The following DMD variants were observed in gnomAD, a reference collection of about 807,000 sequenced individuals.
DMD encodes mutant dystrophin.
A neutral mutation model predicts 330.1 loss-of-function variants in DMD; 63 were observed. The observed-to-expected ratio is 0.19, with a 90% CI of 0.16 to 0.24. The LOEUF is 0.24. Among genes scored for constraint, DMD ranks in the 10% least tolerant of loss-of-function variants. The probability of loss-of-function intolerance (pLI) is 1.00; values close to 1 mark genes in which losing one functional copy is unlikely to be tolerated. For synonymous variants in DMD, 1,223 were observed against 959.8 expected (o/e 1.27, Z -5.07); for missense variants, 3,344 against 2,684.1 (o/e 1.25, Z -5.43).
At chrX:31,679,240 TCTA>T in intron 53 of DMD, 132 bp downstream of exon 53, 1 of 595,448 alleles carries the variant, frequency 1.7e-6, no homozygotes, top group Non-Finnish European at 2.6e-6. Context: ...ATATACAAAG[TCTA>T]CTGTTCATTT....
chrX:32,641,408 GTATATATATA>G (rs72324944), intron 11 of DMD: 1,013 of 94,853 alleles, frequency 0.011, 17 homozygotes, highest in African/African-American at 0.041. Flanking sequence ...TATTTTATAC[GTATATATATA>G]TATATATATA....
chrX:32,604,874 T>A (rs1354744708), intron 12 of DMD, among the ~76,000 whole-genome samples: 1 of 107,621 alleles, frequency 9.3e-6, no homozygotes, highest in Non-Finnish European at 1.9e-5. Flanking sequence ...CAAGGAGAAC[T>A]ACAAAACACC....
intron 1 of DMD, among the ~76,000 whole-genome samples, chrX:33,185,954 T>G (rs1384827436): frequency 8.9e-6 from 1 of 112,205 alleles, no homozygotes; most frequent in African/African-American, 3.2e-5. Context: ...TCTTTGCATA[T>G]GCATTACATT....
chrX:32,519,296 G>C (rs867311805), intron 17 of DMD, among the ~76,000 whole-genome samples: 1 of 98,796 alleles, frequency 1.0e-5, no homozygotes, highest in Non-Finnish European at 2.1e-5. Context: ...CAAACTAAAA[G>C]AAACAGAAGA....
intron 49 of DMD, among the ~76,000 whole-genome samples, chrX:31,827,414 T>G (rs762490724): frequency 1.5e-4 from 17 of 112,250 alleles, no homozygotes; most frequent in African/African-American, 5.2e-4. Context: ...CTGGTGCTCC[T>G]AGCTTTATAA....
chrX:32,314,724 A>T (rs1603630557), intron 41 of DMD, among the ~76,000 whole-genome samples: 1 of 111,825 alleles, frequency 8.9e-6, no homozygotes, highest in Non-Finnish European at 1.9e-5. Flanking sequence ...GAAAGTGGGC[A>T]AAGGATATGA....
At chrX:31,346,639 T>G (rs1346307143) in intron 61 of DMD, among the ~76,000 whole-genome samples, 1 of 110,941 alleles carries the variant, frequency 9.0e-6, no homozygotes, top group East Asian at 2.8e-4. Flanking sequence ...GTTATTTCTC[T>G]TAGTATTAAT....
chrX:31,666,776 T>C (rs1409769877), intron 53 of DMD, among the ~76,000 whole-genome samples: 2 of 111,629 alleles, frequency 1.8e-5, no homozygotes, highest in African/African-American at 3.3e-5. Flanking sequence ...TAAAAGAAAA[T>C]AGCTCCCTAT....
chrX:32,701,860 T>C (rs933290406), intron 7 of DMD, among the ~76,000 whole-genome samples: 3 of 111,778 alleles, frequency 2.7e-5, no homozygotes, highest in Non-Finnish European at 5.7e-5. Context: ...TTCATTTACA[T>C]AAAACATGTG....
At position 31,668,686 on chromosome X, in the gene DMD, T is replaced by C. The variant is rs147712778; in HGVS notation, c.7873-10542A>G. Among the ~76,000 whole-genome samples, 242 of 111,223 alleles carry C rather than the reference T, an allele frequency of 2.2e-3. 3 individuals are homozygous for C. The highest frequency in any genetic ancestry group is 7.4e-3 in the African/African-American group (227 of 30,756). ...AATATTATTAACTATGGTCACCAGG[T>C]TGTGTCATAAAGTCTCAAAAACTTA... is the stretch of plus-strand genomic sequence containing the variant. On this transcript the variant is annotated intron_variant, in intron 53 of 78. Transcript: ENST00000357033.
chrX:32,551,029 C>T (rs761776006), intron 16 of DMD, among the ~76,000 whole-genome samples: 2 of 110,971 alleles, frequency 1.8e-5, no homozygotes, highest in African/African-American at 3.3e-5. Context: ...CAGGACCAGA[C>T]AGATTCACAC....
intron 43 of DMD, among the ~76,000 whole-genome samples, chrX:32,263,029 T>G (rs955770972): frequency 1.8e-5 from 2 of 111,978 alleles, no homozygotes; most frequent in African/African-American, 6.5e-5. Context: ...TGCATGGAAA[T>G]CTCTGTCTTA....
intron 64 of DMD, among the ~76,000 whole-genome samples, chrX:31,213,205 G>A (rs918964137): frequency 1.8e-5 from 2 of 112,620 alleles, no homozygotes; most frequent in Non-Finnish European, 3.7e-5. Flanking sequence ...CAGAGAGGCT[G>A]GAGTTGGCAC....
intron 12 of DMD, among the ~76,000 whole-genome samples, chrX:32,608,919 C>T (rs1409496101): frequency 9.0e-6 from 1 of 110,702 alleles, no homozygotes; most frequent in African/African-American, 3.3e-5. Context: ...TAATTTTAAC[C>T]TTGCTAAATA....
intron 67 of DMD, among the ~76,000 whole-genome samples, chrX:31,185,521 T>G (rs1257433226): frequency 1.8e-5 from 2 of 112,304 alleles, no homozygotes; most frequent in Non-Finnish European, 3.8e-5. Flanking sequence ...ATTGTACTTT[T>G]GACATCTAGA....
At chrX:33,190,872 TA>T (rs1396562951) in intron 1 of DMD, among the ~76,000 whole-genome samples, 429 of 1,888 alleles carry the variant, frequency 0.23, 34 homozygotes, top group East Asian at 0.5. Context: ...ATTATATATA[TA>T]TATATAATAT....
intron 11 of DMD, among the ~76,000 whole-genome samples, chrX:32,628,647 T>G (rs186980258): frequency 5.0e-4 from 55 of 110,642 alleles, no homozygotes; most frequent in Non-Finnish European, 3.8e-5. Flanking sequence ...TTGATGTAGG[T>G]ATTTATACCT....
chrX:32,763,617 A>T (rs970568889), intron 7 of DMD, among the ~76,000 whole-genome samples: 1 of 111,840 alleles, frequency 8.9e-6, no homozygotes, highest in Non-Finnish European at 1.9e-5. Context: ...CAAAGTAAAA[A>T]TTTTCACAAT....
Position 33,009,302 on chromosome X carries a change from A to C in DMD, c.93+10837T>G, listed in dbSNP as rs1421900511. Among the ~76,000 whole-genome samples, 2 of 67,536 alleles carry C rather than the reference A, an allele frequency of 3.0e-5. 1 individual carries two copies. The highest frequency in any genetic ancestry group is 5.6e-5 in the Non-Finnish European group (2 of 35,646). The allele number at this position is 67,536 out of a possible 115,157, so 58.6% of individuals were successfully genotyped here. On this transcript the variant is annotated intron_variant, in intron 2 of 78. Coordinates refer to ENST00000357033, the MANE Select transcript of DMD (RefSeq NM_004006.3). ...TATGTGTATGTGTGTATATGTGTATATACACATGTGTGTATATGTGTATAT... is the reference window on the plus strand; with the variant it reads ...TATGTGTATGTGTGTATATGTGTATCTACACATGTGTGTATATGTGTATAT...
Sources: allele counts gnomAD v4.1 joint callset (sites outside exome capture counted in the v4.1 genomes callset), GRCh38; gene constraint gnomAD v4.1.1; transcripts MANE v1.5; gene names NCBI Gene and HGNC (gene_info 2026-07-23, HGNC 2026-07-21).